Variants in ASTN2 observed in about 807,000 individuals in gnomAD.
ASTN2 encodes the protein astrotactin 2, also known as astrotactin-2.
ASTN2 carries 54 observed loss-of-function variants against 139.8 expected under a neutral mutation model. The ratio of observed to expected loss-of-function variants is 0.39; its 90% confidence interval spans 0.31 to 0.48. ASTN2 has a LOEUF of 0.48. Among genes scored for constraint, ASTN2 ranks in the 20% least tolerant of loss-of-function variants. The probability of loss-of-function intolerance (pLI) is 0.95; values close to 1 mark genes in which losing one functional copy is unlikely to be tolerated. For synonymous variants in ASTN2, 756 were observed against 719.5 expected, an observed-to-expected ratio of 1.05 and a Z score of -0.81; for missense variants, 1,565 against 1,725.1, an observed-to-expected ratio of 0.91 and a Z score of 1.64.
chr9:116,982,767 A>G (rs1212449294), intron 7 of ASTN2, among the ~76,000 whole-genome samples: 3 of 152,062 alleles, frequency 2.0e-5, no homozygotes, highest in Non-Finnish European at 2.9e-5. Flanking sequence ...AGACCTAACT[A>G]TGTTGCAGAG....
chr9:116,455,618 T>C (rs1442867916), intron 20 of ASTN2, among the ~76,000 whole-genome samples: 1 of 151,972 alleles, frequency 6.6e-6, no homozygotes, highest in Non-Finnish European at 1.5e-5. Context: ...GTCAATAACC[T>C]CTTCTTAGAT....
At chr9:116,801,712 T>G (rs976357978) in intron 13 of ASTN2, among the ~76,000 whole-genome samples, 12 of 152,046 alleles carry the variant, frequency 7.9e-5, no homozygotes, top group African/African-American at 2.7e-4. Context: ...GGCAACTGAC[T>G]TAGCATGGTT....
chr9:116,816,793 A>G (rs1391698404), intron 12 of ASTN2, among the ~76,000 whole-genome samples: 1 of 152,110 alleles, frequency 6.6e-6, no homozygotes, highest in Non-Finnish European at 1.5e-5. Flanking sequence ...ATGAGAGGGC[A>G]GCCAGCCAGA....
intron 2 of ASTN2, among the ~76,000 whole-genome samples, chr9:117,275,458 T>C (rs1312430651): frequency 6.6e-6 from 1 of 152,110 alleles, no homozygotes; most frequent in Non-Finnish European, 1.5e-5. Context: ...GATTGGTTTC[T>C]GGTAAGGCTT....
intron 5 of ASTN2, among the ~76,000 whole-genome samples, chr9:117,051,702 G>C (rs1003505967): frequency 5.3e-5 from 8 of 152,096 alleles, no homozygotes; most frequent in African/African-American, 1.9e-4. Flanking sequence ...AATAGACACA[G>C]AGCCAGGAAA....
intron 1 of ASTN2, among the ~76,000 whole-genome samples, chr9:117,309,498 A>C (rs1827900195): frequency 6.6e-6 from 1 of 152,212 alleles, no homozygotes; most frequent in African/African-American, 2.4e-5. Context: ...TAAGAATGAC[A>C]ACTCTTCACC....
chr9:117,240,922 A>C (rs960612035), intron 2 of ASTN2, among the ~76,000 whole-genome samples: 1 of 152,240 alleles, frequency 6.6e-6, no homozygotes, highest in African/African-American at 2.4e-5. Flanking sequence ...TTTTAGCATA[A>C]GGCTCACACT....
intron 17 of ASTN2, among the ~76,000 whole-genome samples, chr9:116,645,737 A>C (rs189016278): frequency 1.7e-3 from 265 of 152,336 alleles, no homozygotes; most frequent in Non-Finnish European, 3.0e-3. Flanking sequence ...TACAAGTTCC[A>C]GCAATGTTTA....
At chr9:117,320,368 T>A (rs532135524) in intron 1 of ASTN2, among the ~76,000 whole-genome samples, 3 of 152,302 alleles carry the variant, frequency 2.0e-5, no homozygotes, top group Non-Finnish European at 4.4e-5. Context: ...AATACTCAAG[T>A]TTGAAAATCC....
intron 5 of ASTN2, among the ~76,000 whole-genome samples, chr9:117,064,987 T>C (rs1271731653): frequency 6.6e-6 from 1 of 152,060 alleles, no homozygotes; most frequent in African/African-American, 2.4e-5. Flanking sequence ...TGCAGATGCA[T>C]TTAAGTTCAG....
At chr9:117,184,876 T>A (rs1831157374) in intron 3 of ASTN2, among the ~76,000 whole-genome samples, 1 of 152,150 alleles carries the variant, frequency 6.6e-6, no homozygotes, top group Non-Finnish European at 1.5e-5. Context: ...CCAAGATTAT[T>A]ACTATTTGTG....
At chr9:116,649,811 T>C (rs573962474) in intron 17 of ASTN2, among the ~76,000 whole-genome samples, 1 of 152,222 alleles carries the variant, frequency 6.6e-6, no homozygotes, top group East Asian at 1.9e-4. Flanking sequence ...TAACCATGCA[T>C]CATCATCACC....
rs765722544 is a variant in ASTN2, at chr9:117,140,661, G to GAGAGA, written c.1168+660_1168+664dup. On this transcript the variant is annotated intron_variant, in intron 4 of 22. Coordinates refer to ENST00000313400, the MANE Select transcript of ASTN2 (RefSeq NM_001365068.1). ...AGGAGGAAAAGGAGGAGGAGGGGAG[G>GAGAGA]AGAGAAGAGAAGAGAAGGAGAAGGA... Among the ~76,000 whole-genome samples the GAGAGA allele has an allele frequency of 3.0e-3, 450 of 151,310 alleles. 1 individual carries two copies. Among genetic ancestry groups the GAGAGA allele is most frequent in the African/African-American group, 0.011 (433 of 41,232 alleles).
intron 2 of ASTN2, among the ~76,000 whole-genome samples, chr9:117,240,066 T>C (rs1299004378): frequency 1.3e-5 from 2 of 152,238 alleles, no homozygotes; most frequent in Non-Finnish European, 2.9e-5. Context: ...GTTGAAAATT[T>C]AGAAGTCAAC....
At chr9:117,404,934 G>T (rs974041520) in intron 1 of ASTN2, among the ~76,000 whole-genome samples, 13 of 152,156 alleles carry the variant, frequency 8.5e-5, no homozygotes, top group African/African-American at 3.1e-4. Context: ...AGGAAACCAA[G>T]AAGGCACAGA....
intron 10 of ASTN2, among the ~76,000 whole-genome samples, chr9:116,972,332 A>G (rs1401442862): frequency 6.6e-6 from 1 of 152,146 alleles, no homozygotes; most frequent in African/African-American, 2.4e-5. Context: ...CATATTCATT[A>G]TTAATGGCAT....
intron 19 of ASTN2, among the ~76,000 whole-genome samples, chr9:116,557,245 A>AAAG (rs1852676554): frequency 3.3e-5 from 5 of 151,078 alleles, no homozygotes; most frequent in African/African-American, 1.2e-4. Flanking sequence ...AAAAAAAAAA[A>AAAG]AAAAGAAAAG....
chr9:117,164,492 A>T (rs1830624337), intron 3 of ASTN2, among the ~76,000 whole-genome samples: 1 of 152,100 alleles, frequency 6.6e-6, no homozygotes, highest in Non-Finnish European at 1.5e-5. Context: ...TGTTGTATGA[A>T]GTTTGGGGAA....
intron 5 of ASTN2, among the ~76,000 whole-genome samples, chr9:117,083,318 T>G (rs956225971): frequency 3.9e-4 from 59 of 152,352 alleles, no homozygotes; most frequent in African/African-American, 1.4e-3. Context: ...ACATACCTTA[T>G]ATTTTAATAA....
Sources: gnomAD v4.1 joint callset for allele counts (sites outside exome capture counted in the v4.1 genomes callset) on GRCh38, gnomAD v4.1.1 for gene constraint, MANE v1.5 for transcripts, NCBI Gene and HGNC (gene_info 2026-07-23, HGNC 2026-07-21) for gene names.